The following TACC2 variants were observed in gnomAD, a reference collection of about 807,000 sequenced individuals.
TACC2 encodes the protein transforming acidic coiled-coil containing protein 2.
TACC2 carries 137 observed loss-of-function variants against 227.3 expected under a neutral mutation model. The observed-to-expected ratio is 0.60, with a 90% CI of 0.52 to 0.69. TACC2 has a LOEUF of 0.69. Ranked by LOEUF, TACC2 falls within the 30% of genes least tolerant of loss-of-function variation. TACC2 has a pLI of 0.00. For synonymous variants in TACC2, 1,523 were observed against 1,487.5 expected, an observed-to-expected ratio of 1.02 and a Z score of -0.55; for missense variants, 3,470 against 3,694.4, an observed-to-expected ratio of 0.94 and a Z score of 1.57.
chr10:122,192,061 G>A (rs2094429929), intron 7 of TACC2, among the ~76,000 whole-genome samples: 1 of 152,168 alleles, frequency 6.6e-6, no homozygotes, highest in Non-Finnish European at 1.5e-5. Flanking sequence ...TAAAAAAGCT[G>A]CCATCCACCT....
At chr10:122,161,014 C>T (rs1371990818) in intron 7 of TACC2, among the ~76,000 whole-genome samples, 5 of 152,122 alleles carry the variant, frequency 3.3e-5, no homozygotes, top group Non-Finnish European at 1.5e-5. Context: ...ACGATCATGG[C>T]TCACTGCAGC....
intron 3 of TACC2, among the ~76,000 whole-genome samples, chr10:122,080,622 C>G (rs1393481211): frequency 6.6e-6 from 1 of 152,122 alleles, no homozygotes; most frequent in Non-Finnish European, 1.5e-5. Context: ...CCTTAAAGTG[C>G]CTGCCTCCAA....
At chr10:122,118,064 A>G (rs1592210196) in intron 5 of TACC2, among the ~76,000 whole-genome samples, 1 of 141,764 alleles carries the variant, frequency 7.1e-6, no homozygotes. Context: ...TCCGGGCTGG[A>G]GTGCAGTGGT....
rs758921659 is a variant in TACC2 at position 122,087,749 on chromosome 10, C to A, written c.5249C>A (p.Ala1750Asp). ...CTGCCAGGAAGCTGTCAGGACCCAG[C>A]CTGCTCTGACAAGGCTCCGGGGATG... is the stretch of plus-strand genomic sequence containing the variant. ...LVLPGSCQDP[A>D]CSDKAPGMEG... Residue 1750 changes from alanine to aspartate, a missense_variant, in exon 4 of 23, where the codon GCC becomes GAC. By Grantham distance (126) the Ala-to-Asp change is moderately radical. This residue lies in a region of TACC2 where 1,924 missense variants were observed against 1,978.3 expected (regional missense o/e 0.97). Coordinates refer to ENST00000369005, the MANE Select transcript of TACC2 (RefSeq NM_206862.4). The A allele has an allele frequency of 2.5e-6, 4 of 1,611,008 alleles. No homozygotes were observed. Among genetic ancestry groups the A allele is most frequent in the Non-Finnish European group, 3.4e-6 (4 of 1,178,934 alleles).
intron 7 of TACC2, among the ~76,000 whole-genome samples, chr10:122,171,467 G>A (rs1440626269): frequency 6.6e-6 from 1 of 152,342 alleles, no homozygotes; most frequent in African/African-American, 2.4e-5. Context: ...GCTGGGCCAA[G>A]TTTACCATCA....
chr10:122,105,272 C>T (rs759863276), intron 5 of TACC2, among the ~76,000 whole-genome samples: 2 of 151,858 alleles, frequency 1.3e-5, no homozygotes, highest in East Asian at 1.9e-4. Flanking sequence ...TCTGACCTTC[C>T]GCATCACATA....
intron 7 of TACC2, among the ~76,000 whole-genome samples, chr10:122,144,550 A>C (rs542054081): frequency 1.3e-5 from 2 of 152,226 alleles, no homozygotes; most frequent in Non-Finnish European, 2.9e-5. Flanking sequence ...GGAAGCACAC[A>C]GTGCTGAAAG....
At chr10:122,036,450 C>T (rs1302967781) in intron 2 of TACC2, among the ~76,000 whole-genome samples, 2 of 150,144 alleles carry the variant, frequency 1.3e-5, no homozygotes, top group African/African-American at 2.5e-5. Flanking sequence ...ACCTTGGCCT[C>T]GCAAAGTGCT....
rs892980598 is a variant in TACC2, at chr10:122,141,525, A to C, written c.5700-2047A>C. ...TGTGGGTGTTAAGGGCAGGCGGGGG[A>C]GCTTGGTGAGTGAGCCTTGGTTGTG... On this transcript the variant is annotated intron_variant, in intron 6 of 22. Coordinates refer to ENST00000369005, the MANE Select transcript of TACC2 (RefSeq NM_206862.4). This position sits in a 1 kb window ranked among gnomAD's most constrained non-coding sequence, Gnocchi z 4.3. 2.6e-5 allele frequency among the ~76,000 whole-genome samples: 4 copies of C among 151,816 alleles called. No individual in the cohort carries two copies. The East Asian group carries it at 7.7e-4, about 29-fold the overall frequency.
At chr10:122,116,796 G>C (rs1472773908) in intron 5 of TACC2, among the ~76,000 whole-genome samples, 1 of 152,132 alleles carries the variant, frequency 6.6e-6, no homozygotes, top group Non-Finnish European at 1.5e-5. Context: ...ATGAAACGCA[G>C]TTCTTCCTTA....
chr10:122,089,431 G>A (rs1033760572), intron 5 of TACC2, among the ~76,000 whole-genome samples: 2 of 152,240 alleles, frequency 1.3e-5, no homozygotes, highest in Admixed American at 6.5e-5. Context: ...GAGATTCAAG[G>A]AGGGTAAATG....
intron 1 of TACC2, among the ~76,000 whole-genome samples, chr10:122,017,344 G>A (rs563672587): frequency 6.6e-6 from 1 of 152,186 alleles, no homozygotes; most frequent in East Asian, 1.9e-4. Context: ...CTGTGCCGCC[G>A]CCGTTTTGGT....
At chr10:122,238,158 A>G in intron 18 of TACC2, 121 bp downstream of exon 18, 1 of 696,898 alleles carries the variant, frequency 1.4e-6, no homozygotes, top group Non-Finnish European at 2.5e-6. Flanking sequence ...CTTCTTTATT[A>G]CACACAGTTC....
chr10:122,188,402 C>T (rs2140415030), intron 7 of TACC2, among the ~76,000 whole-genome samples: 1 of 152,292 alleles, frequency 6.6e-6, no homozygotes, highest in Admixed American at 6.5e-5. Flanking sequence ...GCCTCGGCCT[C>T]CCAAGTAGCT....
intron 8 of TACC2, among the ~76,000 whole-genome samples, chr10:122,200,993 ACCCG>A (rs2094806399): frequency 7.7e-6 from 1 of 130,486 alleles, no homozygotes; most frequent in Non-Finnish European, 1.7e-5. Context: ...CGGCCACCTC[ACCCG>A]CCCAGAGTGG....
chr10:122,174,584 A>G (rs1196656887), intron 7 of TACC2, among the ~76,000 whole-genome samples: 1 of 152,228 alleles, frequency 6.6e-6, no homozygotes, highest in Non-Finnish European at 1.5e-5. Context: ...ACGTTCGTGA[A>G]ACACTATGCT....
rs943627372 is a variant in TACC2 at position 122,253,924 on chromosome 10, G to A, written c.8782-67G>A. Reference sequence around the variant, plus strand: ...TGGTGGTCCCCCATCTCCCCAAAAAGCCCCATGAGCATTCTGACTGGCCAG... The same window carrying A: ...TGGTGGTCCCCCATCTCCCCAAAAAACCCCATGAGCATTCTGACTGGCCAG... On this transcript the variant is annotated intron_variant, in intron 22 of 22. Transcript: ENST00000369005. 1.6e-5 allele frequency: 22 copies of A among 1,392,668 alleles called. No individual in the cohort carries two copies. The African/African-American group carries it at 3.1e-4, about 20-fold the overall frequency. The allele number at this position is 1,392,668 out of a possible 1,614,324, so 86.3% of individuals were successfully genotyped here.
chr10:121,990,910 C>G (rs1282953497), intron 1 of TACC2, among the ~76,000 whole-genome samples: 1 of 152,138 alleles, frequency 6.6e-6, no homozygotes, highest in Non-Finnish European at 1.5e-5. Flanking sequence ...GCCTCAGCCC[C>G]CTGAGTAGCT....
rs936746980 is a variant in TACC2 at position 122,164,066 on chromosome 10, C to T, written c.5834+20360C>T. 223 of 1,522,984 alleles carry T rather than the reference C, an allele frequency of 1.5e-4. No homozygotes were observed. In the African/African-American group the frequency reaches 2.6e-3, roughly 18 times the overall value. The allele number at this position is 1,522,984 out of a possible 1,614,324, so 94.3% of individuals were successfully genotyped here. A position where few individuals can be genotyped will look rare whatever the true frequency, so the allele number is the denominator to read the frequency against. ...GATGCCCGGGCTTTGTTAGTGTCGC[C>T]TTTCCTAATGCCTGTGCAACCTGGA... On this transcript the variant is annotated intron_variant, in intron 7 of 22. Coordinates refer to ENST00000369005, the MANE Select transcript of TACC2 (RefSeq NM_206862.4).
Sources: gnomAD v4.1 joint callset for allele counts (sites outside exome capture counted in the v4.1 genomes callset) on GRCh38, gnomAD v4.1.1 for gene constraint, gnomAD v4.1.1 regional missense constraint, Gnocchi (gnomAD v3.1) non-coding constraint, MANE v1.5 for transcripts, NCBI Gene and HGNC (gene_info 2026-07-23, HGNC 2026-07-21) for gene names.